Variants in TRANK1 observed in about 807,000 individuals in gnomAD.
The protein encoded by TRANK1 is tetratricopeptide repeat and ankyrin repeat containing 1, also known as TPR and ankyrin repeat-containing protein 1.
In TRANK1, 198 loss-of-function variants were observed where a neutral mutation model predicts 266.0. The ratio of observed to expected loss-of-function variants is 0.74; its 90% confidence interval spans 0.66 to 0.84. The LOEUF is 0.84. Among genes scored for constraint, TRANK1 ranks in the 40% least tolerant of loss-of-function variants. TRANK1 has a pLI of 0.00. For synonymous variants in TRANK1, 1,396 were observed against 1,384.1 expected (o/e 1.01, Z -0.19); for missense variants, 3,326 against 3,634.6 (o/e 0.92, Z 2.18).
intron 4 of TRANK1, among the ~76,000 whole-genome samples, chr3:36,897,797 A>G (rs2079814432): frequency 6.6e-6 from 1 of 152,234 alleles, no homozygotes; most frequent in Admixed American, 6.5e-5. Context: ...CAAACACCGT[A>G]TTTAAAAACA....
At chr3:36,830,631 T>C (rs1327756562) in intron 22 of TRANK1, among the ~76,000 whole-genome samples, 5 of 152,222 alleles carry the variant, frequency 3.3e-5, no homozygotes, top group South Asian at 2.1e-4. Flanking sequence ...TGCAAGTTTC[T>C]GGAGTACCTG....
At chr3:36,858,169 A>C (rs1342300730) in intron 12 of TRANK1, 120 bp from the exon 13 acceptor site, 2 of 808,440 alleles carry the variant, frequency 2.5e-6, no homozygotes, top group Non-Finnish European at 3.8e-6. Flanking sequence ...TCCCCCAAAA[A>C]ATCTGAAATC....
intron 3 of TRANK1, 86 bp from the exon 4 acceptor site, chr3:36,899,345 G>A: frequency 7.1e-7 from 1 of 1,413,338 alleles, no homozygotes; most frequent in East Asian, 2.5e-5. Flanking sequence ...GGCAACATGG[G>A]AAATCCAACT....
chr3:36,885,410 G>A (rs2079588531), intron 8 of TRANK1, among the ~76,000 whole-genome samples: 1 of 152,158 alleles, frequency 6.6e-6, no homozygotes, highest in South Asian at 2.1e-4. Flanking sequence ...GTAACAAAAG[G>A]CAAGGAAAGA....
At chr3:36,931,498 A>G (rs961981476) in intron 1 of TRANK1, among the ~76,000 whole-genome samples, 2 of 152,086 alleles carry the variant, frequency 1.3e-5, no homozygotes, top group Admixed American at 1.3e-4. Flanking sequence ...TGAGCCCAGG[A>G]GTTCCAGACC....
chr3:36,920,071 A>G (rs1472310429), intron 1 of TRANK1, among the ~76,000 whole-genome samples: 1 of 152,228 alleles, frequency 6.6e-6, no homozygotes, highest in African/African-American at 2.4e-5. Flanking sequence ...TGCGGTACAC[A>G]AACTATAATA....
chr3:36,845,250 C>A (rs1021068934), intron 17 of TRANK1, among the ~76,000 whole-genome samples: 1 of 152,046 alleles, frequency 6.6e-6, no homozygotes, highest in Admixed American at 6.5e-5. Flanking sequence ...CTATTTAAAC[C>A]CTTGTTACCC....
At chr3:36,911,984 C>G (rs1404935657) in intron 1 of TRANK1, among the ~76,000 whole-genome samples, 1 of 152,076 alleles carries the variant, frequency 6.6e-6, no homozygotes, top group Non-Finnish European at 1.5e-5. Flanking sequence ...GTCAGGAGTT[C>G]GAGACCAGCC....
At chr3:36,869,318 A>C (rs1225463937) in intron 9 of TRANK1, among the ~76,000 whole-genome samples, 1 of 152,238 alleles carries the variant, frequency 6.6e-6, no homozygotes. Flanking sequence ...TAGATGCCAA[A>C]AGCAGCCCCA....
At position 36,871,261 on chromosome 3, in the gene TRANK1, G is replaced by A. The variant is rs758882915; in HGVS notation, c.1078+2865C>T. On this transcript the variant is annotated intron_variant, in intron 9 of 23. Transcript: ENST00000645898. ...AAATTAGCTGGGTGTGGTGGTGCAC[G>A]CCTGTAATCCCAGCTACTCAGGAGG... Among the ~76,000 whole-genome samples, 9 of 152,012 alleles carry A rather than the reference G, an allele frequency of 5.9e-5. No homozygotes were observed. The South Asian group carries it at 6.2e-4, about 11-fold the overall frequency.
intron 1 of TRANK1, among the ~76,000 whole-genome samples, chr3:36,936,202 G>A (rs767111456): frequency 6.6e-5 from 10 of 152,130 alleles, no homozygotes; most frequent in Non-Finnish European, 1.5e-4. Context: ...AAAAAGAAAA[G>A]GGATAGGTGT....
At position 36,911,894 on chromosome 3, in the gene TRANK1, T is replaced by A. The variant is rs532652002; in HGVS notation, c.24-3440A>T. Among the ~76,000 whole-genome samples, 3 of 152,244 alleles carry A rather than the reference T, an allele frequency of 2.0e-5. No homozygotes were observed. The East Asian group carries it at 5.8e-4, about 29-fold the overall frequency. On this transcript the variant is annotated intron_variant, in intron 1 of 23. Transcript: ENST00000645898. ...ACATCATTGTGTCTTTTCATTCTTA[T>A]AAGAAGCCTCGGCCAGGCACAGTGG...
chr3:36,851,986 GA>G (rs2125536513), intron 14 of TRANK1, 130 bp from the exon 15 acceptor site: 1 of 1,396,350 alleles, frequency 7.2e-7, no homozygotes, highest in African/African-American at 1.5e-5. Flanking sequence ...CAGGCCAGGG[GA>G]AAGATTGAAA....
chr3:36,851,280 C>T, intron 15 of TRANK1: 1 of 987,384 alleles, frequency 1.0e-6, no homozygotes, highest in Non-Finnish European at 1.2e-6. Context: ...AGGGCAGGAA[C>T]CAAGCCTCAT....
chr3:36,921,807 T>C (rs2080217096), intron 1 of TRANK1, among the ~76,000 whole-genome samples: 1 of 152,158 alleles, frequency 6.6e-6, no homozygotes, highest in Non-Finnish European at 1.5e-5. Flanking sequence ...AGCTAGTACA[T>C]ATCCTTATTG....
rs1405708039 is a variant in TRANK1 at position 36,861,149 on chromosome 3, C to T, written c.1252G>A (p.Asp418Asn). ...TCTTGATTAATATCACAGACCAGGT[C>T]AGGAGGAATTTCTTTCAAAAATAAG... is the stretch of plus-strand genomic sequence containing the variant. The part of the protein sequence containing the change: ...LLSTLQEIPP[D>N]LVCDINQDCA... The change falls in exon 11 of 24, where the codon GAC becomes AAC. Residue 418 changes from aspartate to asparagine, a missense_variant. Asp to Asn is a conservative substitution (Grantham distance 23). Coordinates refer to ENST00000645898, the MANE Select transcript of TRANK1 (RefSeq NM_001329998.2). 6.5e-7 allele frequency: 1 copy of T among 1,536,344 alleles called. No homozygotes were observed. Among genetic ancestry groups the T allele is most frequent in the African/African-American group, 1.4e-5 (1 of 73,066 alleles).
At chr3:36,883,498 G>A (rs779732941) in intron 8 of TRANK1, among the ~76,000 whole-genome samples, 24 of 148,072 alleles carry the variant, frequency 1.6e-4, no homozygotes, top group Non-Finnish European at 3.1e-4. Flanking sequence ...AAAAGAAAAC[G>A]TGCCAAAGAG....
Position 36,857,266 on chromosome 3 carries a change from G to A in TRANK1, c.2456C>T (p.Thr819Met), listed in dbSNP as rs201496206. The stretch of plus-strand genomic sequence containing the variant: ...CTGGAGGCAGGCCTCAATCTCCTGC[G>A]TGCTCCAGTCATCCTGATCATCATT... Reference protein sequence around the residue: ...EGNDDQDDWSTQEIEACLQDF... With the variant: ...EGNDDQDDWSMQEIEACLQDF... The change falls in exon 13 of 24, where the codon ACG becomes ATG. Residue 819 changes from threonine (T) to methionine (M), a missense_variant. Thr to Met is a moderately conservative substitution (Grantham distance 81, BLOSUM62 -1). Transcript: ENST00000645898. This position sits in a 1 kb window ranked among gnomAD's most constrained non-coding sequence, Gnocchi z 4.3. 8.9e-4 allele frequency: 1,435 copies of A among 1,611,214 alleles called. 3 individuals carry two copies. Among genetic ancestry groups the A allele is most frequent in the Non-Finnish European group, 1.1e-3 (1,265 of 1,178,570 alleles).
At chr3:36,845,631 A>G (rs1462999163) in intron 17 of TRANK1, among the ~76,000 whole-genome samples, 2 of 152,184 alleles carry the variant, frequency 1.3e-5, no homozygotes, top group Non-Finnish European at 2.9e-5. Context: ...CATTCTACCC[A>G]TACTGTTTTA....
Sources: allele counts gnomAD v4.1 joint callset (sites outside exome capture counted in the v4.1 genomes callset), GRCh38; gene constraint gnomAD v4.1.1; non-coding constraint Gnocchi (gnomAD v3.1); transcripts MANE v1.5; gene names NCBI Gene and HGNC (gene_info 2026-07-23, HGNC 2026-07-21).